Variants in ANK2 observed in about 807,000 individuals in gnomAD.
ANK2 encodes the protein ankyrin 2.
ANK2 carries 83 observed loss-of-function variants against 360.5 expected under a neutral mutation model. The observed-to-expected ratio is 0.23, with a 90% CI of 0.19 to 0.28. ANK2 has a LOEUF of 0.28. ANK2 is among the 10% of genes least tolerant of loss of function. The pLI, the probability that ANK2 is intolerant of heterozygous loss-of-function variation, is 1.00. For synonymous variants in ANK2, 1,740 were observed against 1,759.5 expected (o/e 0.99, Z 0.28); for missense variants, 4,201 against 4,795.7 (o/e 0.88, Z 3.66).
intron 23 of ANK2, among the ~76,000 whole-genome samples, chr4:113,310,876 T>A (rs894268998): frequency 3.3e-5 from 5 of 152,228 alleles, no homozygotes; most frequent in African/African-American, 1.2e-4. Flanking sequence ...TTAATAAAAC[T>A]CATATTTTTT....
intron 1 of ANK2, among the ~76,000 whole-genome samples, chr4:113,064,349 G>A (rs1297722689): frequency 6.6e-6 from 1 of 152,122 alleles, no homozygotes; most frequent in Non-Finnish European, 1.5e-5. Context: ...CGTGATGACA[G>A]GTTTTTGTGT....
chr4:113,265,908 T>G (rs2153660632), intron 14 of ANK2, among the ~76,000 whole-genome samples: 1 of 152,316 alleles, frequency 6.6e-6, no homozygotes, highest in Non-Finnish European at 1.5e-5. Flanking sequence ...CTGGCTATGG[T>G]CATATAAATT....
At chr4:113,220,771 T>C (rs190087641) in intron 4 of ANK2, among the ~76,000 whole-genome samples, 1 of 152,168 alleles carries the variant, frequency 6.6e-6, no homozygotes, top group African/African-American at 2.4e-5. Context: ...TAAATTCAAA[T>C]GTTGAATAAA....
chr4:112,854,485 A>G (rs1215317349), intron 1 of ANK2, among the ~76,000 whole-genome samples: 1 of 152,140 alleles, frequency 6.6e-6, no homozygotes, highest in Non-Finnish European at 1.5e-5. Context: ...TGATAGTAGT[A>G]TGGATGGTGG....
At chr4:113,000,683 A>G (rs960098866) in intron 2 of ANK2, among the ~76,000 whole-genome samples, 6 of 152,240 alleles carry the variant, frequency 3.9e-5, no homozygotes, top group African/African-American at 1.4e-4. Context: ...TGAGTAAACA[A>G]GGAAAACTAG....
At chr4:112,872,244 G>T (rs771958425) in intron 1 of ANK2, among the ~76,000 whole-genome samples, 23 of 151,548 alleles carry the variant, frequency 1.5e-4, no homozygotes, top group Non-Finnish European at 2.9e-5. Flanking sequence ...TGCCTAGGCT[G>T]GTCTCAATCT....
intron 1 of ANK2, among the ~76,000 whole-genome samples, chr4:113,096,742 G>A (rs1041156595): frequency 5.3e-5 from 8 of 151,944 alleles, no homozygotes; most frequent in African/African-American, 1.9e-4. Flanking sequence ...TTTTATCAAA[G>A]CAAGAAGGGA....
At chr4:113,119,743 T>A (rs1368800230) in intron 1 of ANK2, among the ~76,000 whole-genome samples, 3 of 152,106 alleles carry the variant, frequency 2.0e-5, no homozygotes, top group Non-Finnish European at 4.4e-5. Flanking sequence ...CCAATGCAGA[T>A]AAAAGCCAAT....
At chr4:113,125,695 A>G (rs1291706804) in intron 1 of ANK2, among the ~76,000 whole-genome samples, 1 of 152,170 alleles carries the variant, frequency 6.6e-6, no homozygotes, top group Non-Finnish European at 1.5e-5. Context: ...ATTATTATAA[A>G]TGATTAAGAC....
intron 1 of ANK2, among the ~76,000 whole-genome samples, chr4:113,078,764 A>AAT (rs779133317): frequency 1.4e-4 from 21 of 152,280 alleles, no homozygotes; most frequent in Non-Finnish European, 1.6e-4. Flanking sequence ...TTTACCTGTA[A>AAT]ATATTCTGAA....
intron 1 of ANK2, among the ~76,000 whole-genome samples, chr4:113,167,803 A>G (rs2097800215): frequency 1.3e-5 from 2 of 152,088 alleles, no homozygotes; most frequent in South Asian, 4.1e-4. Context: ...GATTTCTAAC[A>G]CTATGGATTT....
At chr4:113,106,211 T>G (rs1326362241) in intron 1 of ANK2, among the ~76,000 whole-genome samples, 1 of 152,198 alleles carries the variant, frequency 6.6e-6, no homozygotes, top group African/African-American at 2.4e-5. Flanking sequence ...TTATGAAGAC[T>G]TTTAAATCCT....
chr4:113,355,679 G>C lies in ANK2; in HGVS notation c.7061G>C (p.Arg2354Pro), dbSNP rs139616911. The C allele has an allele frequency of 6.2e-7, 1 of 1,614,002 alleles. No homozygotes were observed. Among genetic ancestry groups the C allele is most frequent in the African/African-American group, 1.3e-5 (1 of 74,924 alleles). ...TEEAACDEGQ[R>P]TFGSSAHKTQ... Reference sequence around the variant, plus strand: ...GAGGCAGCCTGTGATGAAGGTCAACGTACCTTTGGTAGTTCAGCCCACAAG... The same window carrying C: ...GAGGCAGCCTGTGATGAAGGTCAACCTACCTTTGGTAGTTCAGCCCACAAG... The change falls in exon 38 of 46, where the codon CGT becomes CCT. Residue 2354 changes from arginine to proline, a missense_variant. This residue lies in a region of ANK2 where 2,642 missense variants were observed against 2,714.5 expected (regional missense o/e 0.97). Coordinates refer to ENST00000357077, the MANE Select transcript of ANK2 (RefSeq NM_001148.6).
chr4:112,731,173 C>A, the ANK2 span, among the ~76,000 whole-genome samples: 3 of 151,408 alleles, frequency 2.0e-5, no homozygotes, highest in African/African-American at 7.3e-5. Context: ...CAACTGTAGT[C>A]CCAGCTACTT....
chr4:112,879,886 A>G (rs75817569), intron 1 of ANK2, among the ~76,000 whole-genome samples: 1,860 of 152,274 alleles, frequency 0.012, 34 homozygotes, highest in African/African-American at 0.04. Flanking sequence ...GGAGACATTA[A>G]TGTTGGTTTC....
intron 26 of ANK2, among the ~76,000 whole-genome samples, chr4:113,329,915 A>G (rs1203522796): frequency 2.6e-5 from 4 of 152,154 alleles, no homozygotes; most frequent in African/African-American, 7.2e-5. Flanking sequence ...AAACTTGTCA[A>G]TTGTTCTTTA....
At chr4:112,758,362 A>G in the ANK2 span, among the ~76,000 whole-genome samples, 1 of 152,126 alleles carries the variant, frequency 6.6e-6, no homozygotes, top group Non-Finnish European at 1.5e-5. Flanking sequence ...TTTCAGCAGG[A>G]GTAGATGAGC....
intron 1 of ANK2, among the ~76,000 whole-genome samples, chr4:113,118,989 C>T (rs1360213598): frequency 6.6e-6 from 1 of 152,040 alleles, no homozygotes; most frequent in Non-Finnish European, 1.5e-5. Context: ...GAATGTTTTT[C>T]CCTTTCCAAA....
chr4:112,934,391 TC>T (rs1383637755), intron 2 of ANK2, among the ~76,000 whole-genome samples: 1 of 152,204 alleles, frequency 6.6e-6, no homozygotes, highest in East Asian at 1.9e-4. Flanking sequence ...TCCCTGTTGC[TC>T]CATATCTTTC....
Sources: allele counts gnomAD v4.1 joint callset (sites outside exome capture counted in the v4.1 genomes callset), GRCh38; gene constraint gnomAD v4.1.1; regional missense constraint gnomAD v4.1.1; transcripts MANE v1.5; gene names NCBI Gene and HGNC (gene_info 2026-07-23, HGNC 2026-07-21).